MOCS1: variants seen among roughly 807,000 people sequenced by gnomAD.
MOCS1 encodes molybdenum cofactor biosynthesis protein 1.
A neutral mutation model predicts 57.6 loss-of-function variants in MOCS1; 39 were observed. The observed-to-expected ratio is 0.68, with a 90% confidence interval of 0.52 to 0.88. The LOEUF is 0.88. Ranked by LOEUF, MOCS1 falls within the 40% of genes least tolerant of loss-of-function variation. The pLI, the probability that MOCS1 is intolerant of heterozygous loss-of-function variation, is 0.00. For missense variants in MOCS1, 795 were observed against 831.1 expected, an observed-to-expected ratio of 0.96 and a Z score of 0.53; for synonymous variants, 334 against 335.7, an observed-to-expected ratio of 1.00 and a Z score of 0.05.
intron 1 of MOCS1, among the ~76,000 whole-genome samples, chr6:39,930,373 A>G (rs2984437): frequency 0.32 from 49,317 of 152,008 alleles, 8,763 homozygotes; most frequent in South Asian, 0.48. Context: ...CCAGGGTCCC[A>G]GGCTGGCCTG....
chr6:39,925,724 G>GGACA lies in MOCS1; in HGVS notation c.371_372insTGTC (p.Thr125ValfsTer65). The stretch of plus-strand genomic sequence containing the variant: ...GCCGGATAAGCGGCTCTCCACCTGT[G>GGACA]AGCCGGATCTTGTCGATGCCTTCCT... On this transcript the variant is annotated frameshift_variant, in exon 3 of 11. Coordinates refer to ENST00000340692, the MANE Select transcript of MOCS1 (RefSeq NM_001358530.2). LOFTEE classifies it high-confidence loss of function. The GGACA allele has an allele frequency of 1.2e-6, 2 of 1,612,834 alleles. No individual in the cohort carries two copies. The highest frequency in any genetic ancestry group is 1.7e-6 in the Non-Finnish European group (2 of 1,179,992).
chr6:39,913,371 A>G lies in MOCS1; in HGVS notation c.703T>C (p.Leu235=). 1 of 1,614,224 alleles carries G rather than the reference A, an allele frequency of 6.2e-7. No homozygotes were observed. Among genetic ancestry groups the G allele is most frequent in the South Asian group, 1.1e-5 (1 of 91,076 alleles). Reference sequence around the variant, plus strand: ...ACATCCAGGGGGAGGCCCTCAGTCAAGGCCGCAAAGTCCAGGAGTTCATCC... The same window carrying G: ...ACATCCAGGGGGAGGCCCTCAGTCAGGGCCGCAAAGTCCAGGAGTTCATCC... ...NEDELLDFAA[L]TEGLPLDVRF... is the part of the protein sequence containing the mutation. The change falls in exon 6 of 11, where the codon TTG becomes CTG. Residue 235 remains leucine (L), a synonymous_variant. Transcript: ENST00000340692.
Position 39,905,578 on chromosome 6 carries a change from C to T in MOCS1, c.*779G>A, listed in dbSNP as rs1417129332. The T allele has an allele frequency of 2.1e-6, 1 of 471,166 alleles. No individual in the cohort carries two copies. Among genetic ancestry groups the T allele is most frequent in the Non-Finnish European group, 4.4e-6 (1 of 227,062 alleles). The allele number at this position is 471,166 out of a possible 1,614,324, so 29.2% of individuals were successfully genotyped here. Reference sequence around the variant, plus strand: ...CGCTGTGAGGGTGAAGGCAATCTATCATCAACTTTTCTTTCCCTGATATGC... The same window carrying T: ...CGCTGTGAGGGTGAAGGCAATCTATTATCAACTTTTCTTTCCCTGATATGC... On this transcript the variant is annotated 3_prime_UTR_variant, in exon 11 of 11. Coordinates refer to ENST00000340692, the MANE Select transcript of MOCS1 (RefSeq NM_001358530.2).
chr6:39,916,926 A>C (rs551538481), intron 3 of MOCS1, among the ~76,000 whole-genome samples: 179 of 152,286 alleles, frequency 1.2e-3, no homozygotes, highest in Middle Eastern at 3.4e-3. Flanking sequence ...TAGTAGTCAC[A>C]TGTACAGGAG....
intron 7 of MOCS1, among the ~76,000 whole-genome samples, chr6:39,912,648 C>A (rs1409791760): frequency 6.6e-6 from 1 of 152,180 alleles, no homozygotes; most frequent in African/African-American, 2.4e-5. Context: ...GGGATGAGCA[C>A]CCCTCTCTGC....
rs3749998 is a variant in MOCS1, at chr6:39,904,952, C to G, written c.*1405G>C. The G allele has an allele frequency of 0.012, 5,528 of 454,070 alleles. 500 individuals are homozygous for G. In the East Asian group the frequency reaches 0.25, roughly 21 times the overall value. 28.1% of individuals were successfully genotyped at this position (454,070 alleles called of 1,614,324 possible). A position where few individuals can be genotyped will look rare whatever the true frequency, so the allele number is the denominator to read the frequency against. On this transcript the variant is annotated 3_prime_UTR_variant, in exon 11 of 11. Coordinates refer to ENST00000340692, the MANE Select transcript of MOCS1 (RefSeq NM_001358530.2). ...GTGCTGGAGCCAGCTTGTACCAGCT[C>G]TGTGAGAACCAATTGTTTACATTTT...
At chr6:39,913,663 C>T in intron 5 of MOCS1, 111 bp downstream of exon 5, 2 of 1,268,482 alleles carry the variant, frequency 1.6e-6, no homozygotes, top group South Asian at 1.2e-5. Flanking sequence ...GCACGTACTT[C>T]AGCCATGCTG....
chr6:39,904,679 G>C lies in MOCS1; in HGVS notation c.*1678C>G. 1 of 453,454 alleles carries C rather than the reference G, an allele frequency of 2.2e-6. No homozygotes were observed. The highest frequency in any genetic ancestry group is 4.4e-6 in the Non-Finnish European group (1 of 226,740). The allele number at this position is 453,454 out of a possible 1,614,324, so 28.1% of individuals were successfully genotyped here. A position where few individuals can be genotyped will look rare whatever the true frequency, so the allele number is the denominator to read the frequency against. ...ACTCCCATCCCATTTCCACCAACTG[G>C]GGAACTGTGACTATCTATCTCCCCC... On this transcript the variant is annotated 3_prime_UTR_variant, in exon 11 of 11. Transcript: ENST00000340692.
chr6:39,926,515 G>A (rs980025604), intron 2 of MOCS1, among the ~76,000 whole-genome samples: 1 of 151,148 alleles, frequency 6.6e-6, no homozygotes, highest in Admixed American at 6.6e-5. Flanking sequence ...TTTGGGTCAA[G>A]ATCTGTTAGA....
At position 39,904,183 on chromosome 6, in the gene MOCS1, T is replaced by C. The variant is rs1053505718; in HGVS notation, c.*2174A>G. On this transcript the variant is annotated 3_prime_UTR_variant, in exon 11 of 11. Coordinates refer to ENST00000340692, the MANE Select transcript of MOCS1 (RefSeq NM_001358530.2). ...CTATGGAAGCTGTTCAAGATACATT[T>C]GATCTTCAGAAAAGCAGAATTTGGT... 22 of 456,588 alleles carry C rather than the reference T, an allele frequency of 4.8e-5. No individual in the cohort carries two copies. Among genetic ancestry groups the C allele is most frequent in the South Asian group, 2.8e-4 (18 of 64,554 alleles). 28.3% of individuals were successfully genotyped at this position (456,588 alleles called of 1,614,324 possible). A position where few individuals can be genotyped will look rare whatever the true frequency, so the allele number is the denominator to read the frequency against.
intron 3 of MOCS1, among the ~76,000 whole-genome samples, chr6:39,919,731 G>A: frequency 6.6e-6 from 1 of 152,088 alleles, no homozygotes; most frequent in East Asian, 1.9e-4. Context: ...GTTCAGAATG[G>A]CAGATTTATG....
chr6:39,929,226 C>A (rs1047545508), intron 1 of MOCS1, among the ~76,000 whole-genome samples: 6 of 152,170 alleles, frequency 3.9e-5, no homozygotes, highest in African/African-American at 1.4e-4. Flanking sequence ...ACTTCTCTAA[C>A]TGCCGTCTGC....
chr6:39,912,709 C>T (rs1333645464), intron 7 of MOCS1, among the ~76,000 whole-genome samples, 183 bp downstream of exon 7: 3 of 152,284 alleles, frequency 2.0e-5, no homozygotes, highest in South Asian at 4.1e-4. Context: ...CCACCCTAGC[C>T]GAGCCCACAT....
intron 3 of MOCS1, among the ~76,000 whole-genome samples, chr6:39,917,223 C>G (rs1767710056): frequency 6.6e-6 from 1 of 152,172 alleles, no homozygotes; most frequent in African/African-American, 2.4e-5. Flanking sequence ...AACTTACAAT[C>G]ATGGCAGAAG....
chr6:39,922,861 T>C (rs1320059539), intron 3 of MOCS1, among the ~76,000 whole-genome samples: 1 of 152,058 alleles, frequency 6.6e-6, no homozygotes. Context: ...CGTGAGAGGG[T>C]AGGCACAAGT....
rs1163325472 is a variant in MOCS1 at position 39,904,339 on chromosome 6, T to TCTC, written c.*2015_*2017dup. The TCTC allele has an allele frequency of 4.4e-6, 2 of 456,580 alleles. No homozygotes were observed. Among genetic ancestry groups the TCTC allele is most frequent in the Admixed American group, 2.3e-5 (1 of 42,556 alleles). 28.3% of individuals were successfully genotyped at this position (456,580 alleles called of 1,614,324 possible). A position where few individuals can be genotyped will look rare whatever the true frequency, so the allele number is the denominator to read the frequency against. ...GGTGCTAGATGCCACTGTAGCCAGATCTCCAACAGTGCCTTGGACCATGGA... is the reference window on the plus strand; with the variant it reads ...GGTGCTAGATGCCACTGTAGCCAGATCTCCTCCAACAGTGCCTTGGACCATGGA... On this transcript the variant is annotated 3_prime_UTR_variant, in exon 11 of 11. Coordinates refer to ENST00000340692, the MANE Select transcript of MOCS1 (RefSeq NM_001358530.2).
intron 10 of MOCS1, 114 bp from the exon 11 acceptor site, chr6:39,907,231 G>A (rs1335830802): frequency 5.2e-6 from 6 of 1,162,314 alleles, no homozygotes; most frequent in Non-Finnish European, 5.9e-6. Context: ...TCATACCGGG[G>A]AAAGAGGAAT....
intron 3 of MOCS1, among the ~76,000 whole-genome samples, chr6:39,922,136 A>G (rs902547656): frequency 6.6e-6 from 1 of 152,210 alleles, no homozygotes; most frequent in Non-Finnish European, 1.5e-5. Flanking sequence ...TCACTGTCCA[A>G]CACAGCAGCT....
chr6:39,931,231 A>G (rs1042483917), intron 1 of MOCS1, among the ~76,000 whole-genome samples: 2 of 152,178 alleles, frequency 1.3e-5, no homozygotes, highest in Non-Finnish European at 2.9e-5. Flanking sequence ...AGGGTGGGAC[A>G]AAAGAGTTAA....
Sources: gnomAD v4.1 joint callset for allele counts (sites outside exome capture counted in the v4.1 genomes callset) on GRCh38, gnomAD v4.1.1 for gene constraint, MANE v1.5 for transcripts, NCBI Gene and HGNC (gene_info 2026-07-23, HGNC 2026-07-21) for gene names.